CPA6: variants seen among roughly 807,000 people sequenced by gnomAD.
The protein encoded by CPA6 is carboxypeptidase B.
CPA6 carries 58 observed loss-of-function variants against 63.3 expected under a neutral mutation model. The ratio of observed to expected loss-of-function variants is 0.92; its 90% CI spans 0.74 to 1.14. The LOEUF is 1.14. Among genes scored for constraint, CPA6 ranks in the 50% most tolerant of loss-of-function variants. CPA6 has a pLI of 0.00. For synonymous variants in CPA6, 185 were observed against 179.0 expected (o/e 1.03, Z -0.27); for missense variants, 565 against 526.6 (o/e 1.07, Z -0.71).
At chr8:67,743,897 G>C (rs868760477) in intron 1 of CPA6, among the ~76,000 whole-genome samples, 1 of 152,084 alleles carries the variant, frequency 6.6e-6, no homozygotes, top group African/African-American at 2.4e-5. Context: ...CCCTTCATTA[G>C]TAGCAAAAAA....
intron 2 of CPA6, among the ~76,000 whole-genome samples, chr8:67,592,254 A>G (rs1337450087): frequency 2.6e-5 from 4 of 152,210 alleles, no homozygotes; most frequent in Non-Finnish European, 5.9e-5. Context: ...ATCATGGTGG[A>G]TAAGCTTTTT....
At position 67,634,399 on chromosome 8, in the gene CPA6, T is replaced by C. The variant is rs1815421959; in HGVS notation, c.117-10148A>G. On this transcript the variant is annotated intron_variant, in intron 1 of 10. Coordinates refer to ENST00000297770, the MANE Select transcript of CPA6 (RefSeq NM_020361.5). ...ACGCCCGGCTAATTTTTTGTATTTTTAGTGGAGACGGGGTTTCACCGTGTT... is the reference window on the plus strand; with the variant it reads ...ACGCCCGGCTAATTTTTTGTATTTTCAGTGGAGACGGGGTTTCACCGTGTT... 1.3e-5 allele frequency among the ~76,000 whole-genome samples: 2 copies of C among 151,196 alleles called. 1 individual carries two copies. The highest frequency in any genetic ancestry group is 4.9e-5 in the African/African-American group (2 of 40,632).
chr8:67,572,563 C>A (rs568517394), intron 2 of CPA6, among the ~76,000 whole-genome samples: 2 of 152,286 alleles, frequency 1.3e-5, no homozygotes, highest in African/African-American at 4.8e-5. Flanking sequence ...TCTCAGCCTG[C>A]AGAACTGTGA....
At chr8:67,515,080 C>T (rs1812115231) in intron 3 of CPA6, among the ~76,000 whole-genome samples, 2 of 152,326 alleles carry the variant, frequency 1.3e-5, no homozygotes, top group East Asian at 1.9e-4. Context: ...TATTAACTCA[C>T]AGACCATCAG....
intron 1 of CPA6, among the ~76,000 whole-genome samples, chr8:67,644,411 C>T (rs1053839274): frequency 6.6e-6 from 1 of 152,224 alleles, no homozygotes; most frequent in African/African-American, 2.4e-5. Flanking sequence ...AGCCACCATG[C>T]CCGGCCATTA....
At chr8:67,656,573 A>G (rs1274480768) in intron 1 of CPA6, among the ~76,000 whole-genome samples, 1 of 152,188 alleles carries the variant, frequency 6.6e-6, no homozygotes, top group Non-Finnish European at 1.5e-5. Context: ...TGAGGTGGAA[A>G]GAGTTCTCAA....
At chr8:67,532,666 CAACA>C (rs762585840) in intron 2 of CPA6, among the ~76,000 whole-genome samples, 2 of 152,006 alleles carry the variant, frequency 1.3e-5, no homozygotes, top group African/African-American at 2.4e-5. Flanking sequence ...GACCCTGTGT[CAACA>C]AACAAACAAA....
intron 8 of CPA6, among the ~76,000 whole-genome samples, chr8:67,472,472 CGG>C (rs1811086437): frequency 6.6e-6 from 1 of 150,814 alleles, no homozygotes; most frequent in Non-Finnish European, 1.5e-5. Context: ...TCACCCAGGC[CGG>C]AGTGCAGTGG....
rs535503295 is a variant in CPA6, at chr8:67,479,600, A to G, written c.838+4168T>C. Among the ~76,000 whole-genome samples the G allele has an allele frequency of 3.2e-4, 48 of 152,312 alleles. No individual in the cohort carries two copies. In the South Asian group the frequency reaches 3.3e-3, roughly 11 times the overall value. On this transcript the variant is annotated intron_variant, in intron 8 of 10. Coordinates refer to ENST00000297770, the MANE Select transcript of CPA6 (RefSeq NM_020361.5). Reference sequence around the variant, plus strand: ...AATATTACCTGTGGTGGTGGTTGTGAAATGCTGGAGAATTTGCATACTTCA... The same window carrying G: ...AATATTACCTGTGGTGGTGGTTGTGGAATGCTGGAGAATTTGCATACTTCA...
chr8:67,422,713 A>C, intron 10 of CPA6, 22 bp from the exon 11 acceptor site: 1 of 1,581,966 alleles, frequency 6.3e-7, no homozygotes, highest in Non-Finnish European at 8.6e-7. Context: ...AACAAAAAAA[A>C]AAAGATCAGC....
intron 1 of CPA6, among the ~76,000 whole-genome samples, chr8:67,694,560 G>A (rs1816874817): frequency 6.6e-6 from 1 of 152,174 alleles, no homozygotes; most frequent in Non-Finnish European, 1.5e-5. Context: ...GGCCCTGAAG[G>A]CACAATTAAG....
At chr8:67,711,942 T>G (rs1478472747) in intron 1 of CPA6, among the ~76,000 whole-genome samples, 1 of 151,916 alleles carries the variant, frequency 6.6e-6, no homozygotes, top group Admixed American at 6.6e-5. Context: ...ATGTAATACT[T>G]TGAGGTCCAA....
intron 1 of CPA6, among the ~76,000 whole-genome samples, chr8:67,716,630 G>A (rs1025676061): frequency 1.3e-5 from 2 of 152,168 alleles, no homozygotes; most frequent in African/African-American, 4.8e-5. Flanking sequence ...TCTGTCCTTT[G>A]CCCATGAGGA....
At chr8:67,500,759 A>T (rs1811815349) in intron 6 of CPA6, among the ~76,000 whole-genome samples, 1 of 150,364 alleles carries the variant, frequency 6.7e-6, no homozygotes, top group Non-Finnish European at 1.5e-5. Context: ...ACAAAAAAAG[A>T]TTCATTTTTT....
rs150789629 is a variant in CPA6 at position 67,460,273 on chromosome 8, C to T, written c.838+23495G>A. Reference sequence around the variant, plus strand: ...TTATTGAATGAATCAATCTGCCCCACAGCAAGGTCCCTCTTAGTCTATCAC... The same window carrying T: ...TTATTGAATGAATCAATCTGCCCCATAGCAAGGTCCCTCTTAGTCTATCAC... On this transcript the variant is annotated intron_variant, in intron 8 of 10. Transcript: ENST00000297770. 5.6e-3 allele frequency among the ~76,000 whole-genome samples: 859 copies of T among 152,296 alleles called. 30 individuals are homozygous for T. The highest frequency in any genetic ancestry group is 1.0e-3 in the Non-Finnish European group (69 of 68,028).
intron 2 of CPA6, among the ~76,000 whole-genome samples, chr8:67,585,084 G>A (rs563322096): frequency 8.6e-5 from 13 of 152,034 alleles, no homozygotes; most frequent in African/African-American, 2.7e-4. Context: ...CTGAGTTTAT[G>A]TATCATATTG....
At chr8:67,444,469 T>C (rs551791313) in intron 8 of CPA6, among the ~76,000 whole-genome samples, 40 of 151,600 alleles carry the variant, frequency 2.6e-4, no homozygotes, top group Non-Finnish European at 5.0e-4. Context: ...GAAAAAGATG[T>C]GGGGGTCATT....
At chr8:67,724,925 A>G (rs1193057011) in intron 1 of CPA6, among the ~76,000 whole-genome samples, 1 of 152,202 alleles carries the variant, frequency 6.6e-6, no homozygotes, top group African/African-American at 2.4e-5. Flanking sequence ...ATTTTTGGTT[A>G]TCAGTTCCTT....
intron 2 of CPA6, among the ~76,000 whole-genome samples, chr8:67,557,608 G>T (rs1015018613): frequency 1.3e-5 from 2 of 152,116 alleles, no homozygotes; most frequent in Non-Finnish European, 2.9e-5. Flanking sequence ...ATTTTCAGAG[G>T]TCTGATCTCA....
Sources: allele counts gnomAD v4.1 joint callset (sites outside exome capture counted in the v4.1 genomes callset), GRCh38; gene constraint gnomAD v4.1.1; transcripts MANE v1.5; gene names NCBI Gene and HGNC (gene_info 2026-07-23, HGNC 2026-07-21).